The following ATP2A2 variants were observed in gnomAD, a reference collection of about 807,000 sequenced individuals.
ATP2A2 encodes the protein ATPase sarcoplasmic/endoplasmic reticulum Ca2+ transporting 2, also known as sarcoplasmic/endoplasmic reticulum calcium ATPase 2.
Under a neutral mutation model 109.3 loss-of-function variants are expected in ATP2A2, and 14 were observed. The observed-to-expected ratio is 0.13, with a 90% confidence interval of 0.08 to 0.20. The LOEUF is 0.20. ATP2A2 is among the 10% of genes least tolerant of loss of function. ATP2A2 has a pLI of 1.00. For synonymous variants in ATP2A2, 506 were observed against 490.9 expected (o/e 1.03, Z -0.41); for missense variants, 657 against 1,321.6 (o/e 0.50, Z 7.80).
Position 110,349,479 on chromosome 12 carries a change from C to T in ATP2A2, c.*3009C>T, listed in dbSNP as rs3026494. 4.0e-4 allele frequency: 399 copies of T among 985,566 alleles called. 1 individual carries two copies. In the African/African-American group the frequency reaches 6.5e-3, roughly 16 times the overall value. 61.1% of individuals were successfully genotyped at this position (985,566 alleles called of 1,614,324 possible). On this transcript the variant is annotated 3_prime_UTR_variant, in exon 20 of 20. Transcript: ENST00000539276. Reference sequence around the variant, plus strand: ...ATCATACATACCCTAACTGGGACACCACTCTGCAGAATGCAGATGATCCAT... The same window carrying T: ...ATCATACATACCCTAACTGGGACACTACTCTGCAGAATGCAGATGATCCAT...
At position 110,281,854 on chromosome 12, in the gene ATP2A2, C is replaced by T; in HGVS notation, c.65C>T (p.Thr22Met). 6.4e-7 allele frequency: 1 copy of T among 1,572,196 alleles called. No individual in the cohort carries two copies. The highest frequency in any genetic ancestry group is 1.2e-5 in the South Asian group (1 of 84,960). Reference sequence around the variant, plus strand: ...GGCCACTTCGGCGTCAACGAGAGTACGGGGCTGAGCCTGGAACAGGTCAAG... The same window carrying T: ...GGCCACTTCGGCGTCAACGAGAGTATGGGGCTGAGCCTGGAACAGGTCAAG... ...VLGHFGVNES[T>M]GLSLEQVKKL... The change falls in exon 1 of 20, where the codon ACG (threonine) becomes ATG (methionine). Residue 22 changes from threonine to methionine, a missense_variant. This residue lies in a region of ATP2A2 where 64 missense variants were observed against 65.4 expected (regional missense o/e 0.98). Coordinates refer to ENST00000539276, the MANE Select transcript of ATP2A2 (RefSeq NM_170665.4).
chr12:110,291,466 A>G (rs1289247280), intron 3 of ATP2A2, among the ~76,000 whole-genome samples: 1 of 151,988 alleles, frequency 6.6e-6, no homozygotes, highest in Non-Finnish European at 1.5e-5. Context: ...TCAGCCTCCC[A>G]AAGTGTTGGG....
Position 110,345,799 on chromosome 12 carries a change from A to G in ATP2A2, c.2742-202A>G, listed in dbSNP as rs117090219. ...CCACTAAGATGGGGTCTGCTATGCC[A>G]AAACATAGATACAGAATTCACAGTT... On this transcript the variant is annotated intron_variant, in intron 18 of 19. Coordinates refer to ENST00000539276, the MANE Select transcript of ATP2A2 (RefSeq NM_170665.4). 8.3e-3 allele frequency: 5,498 copies of G among 664,474 alleles called. 31 individuals carry two copies. The highest frequency in any genetic ancestry group is 0.012 in the Non-Finnish European group (4,570 of 370,078). 41.2% of individuals were successfully genotyped at this position (664,474 alleles called of 1,614,324 possible).
intron 5 of ATP2A2, among the ~76,000 whole-genome samples, chr12:110,319,037 A>C (rs1264309284): frequency 1.3e-5 from 2 of 152,010 alleles, no homozygotes; most frequent in African/African-American, 4.8e-5. Flanking sequence ...CCTTTTTAAA[A>C]ATATGGATTC....
intron 9 of ATP2A2, among the ~76,000 whole-genome samples, 167 bp downstream of exon 9, chr12:110,332,852 C>G (rs1878478721): frequency 6.6e-6 from 1 of 152,132 alleles, no homozygotes; most frequent in Non-Finnish European, 1.5e-5. Flanking sequence ...AAAGATGAAC[C>G]AAAGGTTATA....
intron 5 of ATP2A2, among the ~76,000 whole-genome samples, chr12:110,319,768 A>G (rs1877053987): frequency 6.6e-6 from 1 of 151,658 alleles, no homozygotes. Context: ...AGGTAGGACC[A>G]TTACTAAATA....
chr12:110,324,907 C>T (rs997064191), intron 6 of ATP2A2, among the ~76,000 whole-genome samples: 1 of 151,242 alleles, frequency 6.6e-6, no homozygotes, highest in Non-Finnish European at 1.5e-5. Flanking sequence ...GCCTCTGCTT[C>T]CGGGGTTCAA....
At chr12:110,308,110 ATTAG>A (rs1319384116) in intron 5 of ATP2A2, among the ~76,000 whole-genome samples, 1 of 152,178 alleles carries the variant, frequency 6.6e-6, no homozygotes, top group Admixed American at 6.6e-5. Flanking sequence ...TGCTGAACTC[ATTAG>A]TTAGTTTTAA....
In ATP2A2 at chr12:110,292,132, A is replaced by G. The variant is rs1566202426; in HGVS notation, c.324+8A>G. 21 of 1,601,206 alleles carry G rather than the reference A, an allele frequency of 1.3e-5. No homozygotes were observed. Among genetic ancestry groups the G allele is most frequent in the Non-Finnish European group, 1.8e-5 (21 of 1,168,222 alleles). On this transcript the variant is annotated splice_region_variant and intron_variant, in intron 4 of 19. Coordinates refer to ENST00000539276, the MANE Select transcript of ATP2A2 (RefSeq NM_170665.4). ...ATTGTGGGTGTATGGCAGGTAAGCA[A>G]AAATTCCTGTACTGCAAAATTTCAA... is the stretch of plus-strand genomic sequence containing the variant.
chr12:110,317,551 T>C (rs1876800137), intron 5 of ATP2A2, among the ~76,000 whole-genome samples: 1 of 152,106 alleles, frequency 6.6e-6, no homozygotes, highest in African/African-American at 2.4e-5. Context: ...CTAATTTTTA[T>C]ATTTTTAGTA....
At chr12:110,317,578 A>G (rs1454077712) in intron 5 of ATP2A2, among the ~76,000 whole-genome samples, 1 of 152,032 alleles carries the variant, frequency 6.6e-6, no homozygotes. Context: ...GAGTTTCACC[A>G]TGTTGGCCAG....
rs67023919 is a variant in ATP2A2, at chr12:110,311,595, C to CAAAAAAA, written c.464-11376_464-11370dup. Among the ~76,000 whole-genome samples, 10 of 25,224 alleles carry CAAAAAAA rather than the reference C, an allele frequency of 4.0e-4. 1 individual carries two copies. Among genetic ancestry groups the CAAAAAAA allele is most frequent in the African/African-American group, 8.1e-4 (5 of 6,142 alleles). The allele number at this position is 25,224 out of a possible 152,430, so 16.5% of individuals were successfully genotyped here. A position where few individuals can be genotyped will look rare whatever the true frequency, so the allele number is the denominator to read the frequency against. On this transcript the variant is annotated intron_variant, in intron 5 of 19. Coordinates refer to ENST00000539276, the MANE Select transcript of ATP2A2 (RefSeq NM_170665.4). ...TGGGGGACAGAGCGAGACTCCATCT[C>CAAAAAAA]AAAAAAAAAAAAAAAAAAAAAAAAA... is the stretch of plus-strand genomic sequence containing the variant.
chr12:110,318,522 A>G (rs1307963822), intron 5 of ATP2A2, among the ~76,000 whole-genome samples: 5 of 152,176 alleles, frequency 3.3e-5, no homozygotes, highest in African/African-American at 1.2e-4. Context: ...CCTTTCACCC[A>G]GGCTGGAGTG....
chr12:110,344,780 G>T, intron 16 of ATP2A2, 106 bp from the exon 17 acceptor site: 1 of 1,115,478 alleles, frequency 9.0e-7, no homozygotes, highest in Non-Finnish European at 1.4e-6. Context: ...TACCATCACT[G>T]TCCCATGTCT....
At chr12:110,290,210 C>T (rs886628869) in intron 3 of ATP2A2, among the ~76,000 whole-genome samples, 1 of 152,132 alleles carries the variant, frequency 6.6e-6, no homozygotes, top group Non-Finnish European at 1.5e-5. Context: ...TTTTTTGTTT[C>T]TTTTATAGAG....
intron 4 of ATP2A2, 174 bp from the exon 5 acceptor site, chr12:110,296,425 A>G (rs1213589931): frequency 2.3e-6 from 2 of 868,398 alleles, no homozygotes; most frequent in Non-Finnish European, 3.7e-6. Flanking sequence ...TTTTTAATAC[A>G]AATTAATAAA....
chr12:110,293,870 A>ATTT (rs398021049), intron 4 of ATP2A2, among the ~76,000 whole-genome samples: 2 of 73,310 alleles, frequency 2.7e-5, no homozygotes, highest in African/African-American at 1.2e-4. Context: ...GTGTGTATAT[A>ATTT]TTTTTTTTTT....
At position 110,281,799 on chromosome 12, in the gene ATP2A2, G is replaced by T; in HGVS notation, c.10G>T (p.Ala4Ser). Residue 4 changes from alanine to serine, a missense_variant, in exon 1 of 20, where the codon GCG becomes TCG. Ala to Ser is a moderately conservative substitution (Grantham distance 99). Around this residue, in one of 9 missense-constraint regions of ATP2A2, gnomAD observed 64 missense variants for 65.4 expected, o/e 0.98. Coordinates refer to ENST00000539276, the MANE Select transcript of ATP2A2 (RefSeq NM_170665.4). ...CCGGGCCCCCGAAGCCATGGAGAAC[G>T]CGCACACCAAGACGGTGGAGGAGGT... MEN[A>S]HTKTVEEVLG... 1.3e-6 allele frequency: 2 copies of T among 1,523,822 alleles called. No homozygotes were observed. The highest frequency in any genetic ancestry group is 1.8e-6 in the Non-Finnish European group (2 of 1,135,028). 94.4% of individuals were successfully genotyped at this position (1,523,822 alleles called of 1,614,324 possible). A position where few individuals can be genotyped will look rare whatever the true frequency, so the allele number is the denominator to read the frequency against.
intron 3 of ATP2A2, among the ~76,000 whole-genome samples, chr12:110,290,383 G>A (rs1360351445): frequency 2.0e-5 from 3 of 152,156 alleles, no homozygotes; most frequent in Non-Finnish European, 4.4e-5. Context: ...CAGTGATCAA[G>A]TTGTTTATAC....
Sources: allele counts gnomAD v4.1 joint callset (sites outside exome capture counted in the v4.1 genomes callset), GRCh38; gene constraint gnomAD v4.1.1; regional missense constraint gnomAD v4.1.1; transcripts MANE v1.5; gene names NCBI Gene and HGNC (gene_info 2026-07-23, HGNC 2026-07-21).